The following MAPK8IP3 variants were observed in gnomAD, a reference collection of about 807,000 sequenced individuals.
The protein encoded by MAPK8IP3 is mitogen-activated protein kinase 8 interacting protein 3, also known as C-Jun-amino-terminal kinase-interacting protein 3.
MAPK8IP3 carries 49 observed loss-of-function variants against 157.8 expected under a neutral mutation model. The observed-to-expected ratio is 0.31, with a 90% confidence interval of 0.25 to 0.39. The LOEUF (loss-of-function observed/expected upper bound fraction) is 0.39. MAPK8IP3 is among the 10% of genes least tolerant of loss of function. The pLI is 1.00. For synonymous variants in MAPK8IP3, 897 were observed against 777.7 expected, an observed-to-expected ratio of 1.15 and a Z score of -2.55; for missense variants, 1,478 against 1,889.4, an observed-to-expected ratio of 0.78 and a Z score of 4.04.
In MAPK8IP3 at chr16:1,724,637, G is replaced by T. The variant is rs760143257; in HGVS notation, c.399G>T (p.Thr133=). ...QIQVEHYEFQ[T]RQLELKAKNY... is the part of the protein sequence containing the mutation. ...AGGTGGAGCACTACGAGTTCCAGAC[G>T]CGCCAGCTGGAGCTGAAGGCCAAGA... is the stretch of plus-strand genomic sequence containing the variant. Residue 133 remains threonine (T), a synonymous_variant, in exon 2 of 32, where the codon ACG becomes ACT. Coordinates refer to ENST00000610761, the MANE Select transcript of MAPK8IP3 (RefSeq NM_001318852.2). This position sits in a 1 kb window ranked among gnomAD's most constrained non-coding sequence, Gnocchi z 4.1. 1 of 1,613,628 alleles carries T rather than the reference G, an allele frequency of 6.2e-7. No individual in the cohort carries two copies. The highest frequency in any genetic ancestry group is 8.5e-7 in the Non-Finnish European group (1 of 1,179,988).
At chr16:1,708,737 G>A (rs907204980) in intron 1 of MAPK8IP3, among the ~76,000 whole-genome samples, 3 of 152,062 alleles carry the variant, frequency 2.0e-5, no homozygotes, top group African/African-American at 4.8e-5. Flanking sequence ...TTCGGGAGCC[G>A]AGCCCCGAAG....
At chr16:1,738,286 A>C (rs1354008336) in intron 4 of MAPK8IP3, among the ~76,000 whole-genome samples, 3 of 68,238 alleles carry the variant, frequency 4.4e-5, no homozygotes, top group South Asian at 1.2e-3. Context: ...GAGTGTGACC[A>C]TCCATGTGAG....
chr16:1,729,756 T>C (rs1318721346), intron 4 of MAPK8IP3, among the ~76,000 whole-genome samples, 178 bp downstream of exon 4: 1 of 151,802 alleles, frequency 6.6e-6, no homozygotes, highest in Non-Finnish European at 1.5e-5. Context: ...TGAGCAGGGA[T>C]GTGGGGGGGC....
intron 4 of MAPK8IP3, among the ~76,000 whole-genome samples, chr16:1,736,835 AGCGTGTGACCGTCCGT>A (rs2039933949): frequency 2.1e-5 from 1 of 47,898 alleles, no homozygotes; most frequent in Non-Finnish European, 3.7e-5. Flanking sequence ...CGTCCGTGTG[AGCGTGTGACCGTCCGT>A]GTGTGACCGT....
At position 1,769,655 on chromosome 16, in the gene MAPK8IP3, C is replaced by CAGGCCT. The variant is rs1342942671; in HGVS notation, c.*832_*837dup. 4 of 152,600 alleles carry CAGGCCT rather than the reference C, an allele frequency of 2.6e-5. No individual in the cohort carries two copies. Among genetic ancestry groups the CAGGCCT allele is most frequent in the Non-Finnish European group, 5.9e-5 (4 of 68,216 alleles). 9.5% of individuals were successfully genotyped at this position (152,600 alleles called of 1,614,324 possible). A position where few individuals can be genotyped will look rare whatever the true frequency, so the allele number is the denominator to read the frequency against. On this transcript the variant is annotated 3_prime_UTR_variant, in exon 32 of 32. Transcript: ENST00000610761. The stretch of plus-strand genomic sequence containing the variant: ...ATTTCTCAGGCTGCCAGGGCAGGCC[C>CAGGCCT]AGGCCTCAGGAAGAAGGGGAGGCCC...
rs1456703477 is a variant in MAPK8IP3, at chr16:1,743,472, A to C, written c.743A>C (p.Tyr248Ser). The C allele has an allele frequency of 6.2e-7, 1 of 1,609,408 alleles. No individual in the cohort carries two copies. Among genetic ancestry groups the C allele is most frequent in the East Asian group, 2.2e-5 (1 of 44,638 alleles). Residue 248 changes from tyrosine to serine, a missense_variant, in exon 5 of 32, where the codon TAC becomes TCC. By Grantham distance (144) the Tyr-to-Ser change is moderately radical. Coordinates refer to ENST00000610761, the MANE Select transcript of MAPK8IP3 (RefSeq NM_001318852.2). This position sits in a 1 kb window ranked among gnomAD's most constrained non-coding sequence, Gnocchi z 5.6. ...GGCCAGCTGCAGTCCAGCTCCAGCT[A>C]CCAGGTTTTGTAGCCGTGCCGTGGA... ...DLGQLQSSSSYQCPQDEMSES... is the reference protein window; with the variant it reads ...DLGQLQSSSSSQCPQDEMSES...
chr16:1,742,474 G>A lies in MAPK8IP3; in HGVS notation c.603-858G>A, dbSNP rs547047725. Among the ~76,000 whole-genome samples, 431 of 152,296 alleles carry A rather than the reference G, an allele frequency of 2.8e-3. 2 individuals are homozygous for A. Among genetic ancestry groups the A allele is most frequent in the Admixed American group, 5.4e-3 (82 of 15,292 alleles). ...GAGGACACGTGGGGAGGGAGAAGAC[G>A]CCCCTCAGGCTCAGGCTCCGGCTGC... On this transcript the variant is annotated intron_variant, in intron 4 of 31. Transcript: ENST00000610761. The surrounding 1 kb of genome is among the most constrained non-coding windows in gnomAD (Gnocchi z 5.0).
intron 4 of MAPK8IP3, among the ~76,000 whole-genome samples, chr16:1,733,495 C>T (rs1463901037): frequency 1.3e-5 from 2 of 152,218 alleles, no homozygotes; most frequent in Non-Finnish European, 2.9e-5. Flanking sequence ...GGAAGAGGCG[C>T]GTGGCTGCGG....
At chr16:1,757,566 C>T (rs991828347) in intron 8 of MAPK8IP3, among the ~76,000 whole-genome samples, 5 of 152,188 alleles carry the variant, frequency 3.3e-5, no homozygotes, top group Admixed American at 6.5e-5. Flanking sequence ...ATGCCTCGCC[C>T]GCCCCACGCT....
chr16:1,741,184 C>A lies in MAPK8IP3; in HGVS notation c.603-2148C>A, dbSNP rs2040654422. 6.6e-6 allele frequency among the ~76,000 whole-genome samples: 1 copy of A among 152,162 alleles called. No individual in the cohort carries two copies. Among genetic ancestry groups the A allele is most frequent in the Admixed American group, 6.5e-5 (1 of 15,290 alleles). On this transcript the variant is annotated intron_variant, in intron 4 of 31. Coordinates refer to ENST00000610761, the MANE Select transcript of MAPK8IP3 (RefSeq NM_001318852.2). This position sits in a 1 kb window ranked among gnomAD's most constrained non-coding sequence, Gnocchi z 6.9. ...CCATGACCCCCAAGGGCAGCGTGAC[C>A]CCCGAGGGTGGCGTGACCCCTGGGG...
intron 1 of MAPK8IP3, among the ~76,000 whole-genome samples, chr16:1,716,382 C>G (rs1420049072): frequency 6.7e-6 from 1 of 150,206 alleles, no homozygotes; most frequent in African/African-American, 2.5e-5. Flanking sequence ...ACTGCAACCT[C>G]TGCCTCCTGA....
At chr16:1,731,325 C>T (rs186749839) in intron 4 of MAPK8IP3, among the ~76,000 whole-genome samples, 14 of 152,238 alleles carry the variant, frequency 9.2e-5, no homozygotes, top group African/African-American at 3.4e-4. Context: ...GAGAGCCTGT[C>T]TCAAAAAAGA....
intron 13 of MAPK8IP3, 26 bp downstream of exon 13, chr16:1,761,331 T>C (rs886373927): frequency 3.1e-6 from 5 of 1,598,054 alleles, no homozygotes; most frequent in Admixed American, 1.7e-5. Context: ...ACTCTTCACA[T>C]GCGGGGCGTC....
intron 31 of MAPK8IP3, 34 bp from the exon 32 acceptor site, chr16:1,768,669 G>T (rs754818268): frequency 1.2e-6 from 2 of 1,611,110 alleles, no homozygotes; most frequent in Non-Finnish European, 1.7e-6. Context: ...GGCGCGGGGG[G>T]AGCCTGGCCG....
At chr16:1,737,887 CATCCGTGTGAGCGT>C in intron 4 of MAPK8IP3, among the ~76,000 whole-genome samples, 1 of 72,318 alleles carries the variant, frequency 1.4e-5, no homozygotes, top group South Asian at 9.9e-4. Flanking sequence ...TCCGTGTGAG[CATCCGTGTGAGCGT>C]GTGACCGTCC....
rs1016130896 is a variant in MAPK8IP3, at chr16:1,742,682, C to T, written c.603-650C>T. Among the ~76,000 whole-genome samples, 2 of 152,134 alleles carry T rather than the reference C, an allele frequency of 1.3e-5. No homozygotes were observed. The highest frequency in any genetic ancestry group is 1.5e-5 in the Non-Finnish European group (1 of 68,022). ...GGAACAGGCAGGGCTGGCAGTAACA[C>T]CACAGGGAGGCAGGGCTGGGCACAC... On this transcript the variant is annotated intron_variant, in intron 4 of 31. Transcript: ENST00000610761. This position sits in a 1 kb window ranked among gnomAD's most constrained non-coding sequence, Gnocchi z 5.0.
Position 1,758,007 on chromosome 16 carries a change from CTCT to C in MAPK8IP3, c.1217-140_1217-138del. On this transcript the variant is annotated intron_variant, in intron 8 of 31. Transcript: ENST00000610761. ...ACCGGGACCTGCTGGAGGCTGCTCC[CTCT>C]CTCTCCTGCCCTGCAACATGGGAGC... The C allele has an allele frequency of 7.2e-6, 6 of 834,690 alleles. No homozygotes were observed. The South Asian group carries it at 9.5e-5, about 13-fold the overall frequency. 51.7% of individuals were successfully genotyped at this position (834,690 alleles called of 1,614,324 possible).
chr16:1,729,450 C>T lies in MAPK8IP3; in HGVS notation c.511-37C>T, dbSNP rs78065788. ...GTTAGAGGGGACGGAGACAGCCCCCCACGGCAGCGCTAATGCAGGCGTTTC... is the reference window on the plus strand; with the variant it reads ...GTTAGAGGGGACGGAGACAGCCCCCTACGGCAGCGCTAATGCAGGCGTTTC... On this transcript the variant is annotated intron_variant, in intron 3 of 31. Transcript: ENST00000610761. 2.7e-5 allele frequency: 43 copies of T among 1,575,240 alleles called. No individual in the cohort carries two copies. In the Admixed American group the frequency reaches 5.0e-4, roughly 18 times the overall value.
chr16:1,709,693 T>C (rs899310786), intron 1 of MAPK8IP3, among the ~76,000 whole-genome samples: 6 of 152,240 alleles, frequency 3.9e-5, no homozygotes, highest in African/African-American at 9.6e-5. Flanking sequence ...AAGGAGCAGA[T>C]GCTGCCTCCA....
Sources: gnomAD v4.1 joint callset for allele counts (sites outside exome capture counted in the v4.1 genomes callset) on GRCh38, gnomAD v4.1.1 for gene constraint, Gnocchi (gnomAD v3.1) non-coding constraint, MANE v1.5 for transcripts, NCBI Gene and HGNC (gene_info 2026-07-23, HGNC 2026-07-21) for gene names.